The following SEC63 variants were observed in gnomAD, a reference collection of about 807,000 sequenced individuals.
The protein encoded by SEC63 is translocation protein SEC63 homolog.
SEC63 carries 56 observed loss-of-function variants against 116.2 expected under a neutral mutation model. That is an observed-to-expected ratio of 0.48 (90% confidence interval 0.39 to 0.60). The LOEUF (loss-of-function observed/expected upper bound fraction) is 0.60, where lower values mean the gene tolerates loss of function less well. Among genes scored for constraint, SEC63 ranks in the 20% least tolerant of loss-of-function variants. The probability of loss-of-function intolerance (pLI) is 0.00; values close to 1 mark genes in which losing one functional copy is unlikely to be tolerated. For missense variants in SEC63, 668 were observed against 900.0 expected (o/e 0.74, Z 3.30); for synonymous variants, 273 against 294.6 (o/e 0.93, Z 0.75).
chr6:107,879,470 C>G (rs193096358), intron 18 of SEC63, among the ~76,000 whole-genome samples: 1 of 152,184 alleles, frequency 6.6e-6, no homozygotes, highest in African/African-American at 2.4e-5. Flanking sequence ...GGATTACAGG[C>G]ATGTGACACC....
intron 1 of SEC63, among the ~76,000 whole-genome samples, chr6:107,945,400 G>A (rs1455998834): frequency 2.8e-4 from 42 of 150,238 alleles, no homozygotes; most frequent in African/African-American, 6.9e-4. Flanking sequence ...TCCACCTCCC[G>A]GGTTCAATCA....
At chr6:107,929,572 A>AC (rs1461601150) in intron 1 of SEC63, 58 bp from the exon 2 acceptor site, 1 of 985,096 alleles carries the variant, frequency 1.0e-6, no homozygotes, top group African/African-American at 1.6e-5. Flanking sequence ...TGAAGGTAAA[A>AC]CCAGCTAACT....
chr6:107,956,186 T>C lies in SEC63; in HGVS notation c.124+1700A>G, dbSNP rs1053529219. ...TGGCTAATTTCTGAAATCAGGGCAGTTTCTCAAAACACTTTTTTTTATACC... is the reference window on the plus strand; with the variant it reads ...TGGCTAATTTCTGAAATCAGGGCAGCTTCTCAAAACACTTTTTTTTATACC... On this transcript the variant is annotated intron_variant, in intron 1 of 20. Coordinates refer to ENST00000369002, the MANE Select transcript of SEC63 (RefSeq NM_007214.5). 7 of 187,672 alleles carry C rather than the reference T, an allele frequency of 3.7e-5. No individual in the cohort carries two copies. In the South Asian group the frequency reaches 4.0e-4, roughly 11 times the overall value. The allele number at this position is 187,672 out of a possible 1,614,324, so 11.6% of individuals were successfully genotyped here. A position where few individuals can be genotyped will look rare whatever the true frequency, so the allele number is the denominator to read the frequency against.
At chr6:107,917,158 C>T (rs1787424710) in intron 4 of SEC63, among the ~76,000 whole-genome samples, 1 of 152,230 alleles carries the variant, frequency 6.6e-6, no homozygotes, top group African/African-American at 2.4e-5. Flanking sequence ...ACCTTAAGGA[C>T]ATGCTCCTGC....
chr6:107,931,486 T>TAA (rs56166744), intron 1 of SEC63, among the ~76,000 whole-genome samples: 3 of 146,708 alleles, frequency 2.0e-5, no homozygotes, highest in African/African-American at 7.6e-5. Context: ...CTCCCAAGTT[T>TAA]AAAAAAAAAA....
At chr6:107,923,480 C>T (rs1027622032) in intron 3 of SEC63, among the ~76,000 whole-genome samples, 5 of 152,102 alleles carry the variant, frequency 3.3e-5, no homozygotes, top group Admixed American at 6.5e-5. Flanking sequence ...AAGGGGCACA[C>T]TCAAGGTTAA....
At chr6:107,928,488 C>CAAA (rs764402389) in intron 2 of SEC63, among the ~76,000 whole-genome samples, 3 of 84,822 alleles carry the variant, frequency 3.5e-5, no homozygotes, top group African/African-American at 1.3e-4. Context: ...GACTCTGTCT[C>CAAA]AAAAAAAAAA....
intron 4 of SEC63, among the ~76,000 whole-genome samples, chr6:107,914,029 T>C (rs1787344140): frequency 6.6e-6 from 1 of 152,134 alleles, no homozygotes; most frequent in Non-Finnish European, 1.5e-5. Flanking sequence ...CAGGAAAATT[T>C]CTCCTGAACA....
At chr6:107,910,035 G>GT (rs1356466623) in intron 7 of SEC63, among the ~76,000 whole-genome samples, 1 of 152,020 alleles carries the variant, frequency 6.6e-6, no homozygotes, top group Non-Finnish European at 1.5e-5. Context: ...CTCATTAAAG[G>GT]TTTTTTTTAA....
intron 3 of SEC63, among the ~76,000 whole-genome samples, chr6:107,924,482 C>T (rs1000994977): frequency 5.3e-5 from 8 of 151,786 alleles, no homozygotes; most frequent in African/African-American, 1.5e-4. Flanking sequence ...AGGAGAATGG[C>T]GTGAACCCAG....
intron 8 of SEC63, among the ~76,000 whole-genome samples, chr6:107,908,311 T>C (rs953830729): frequency 4.7e-5 from 7 of 149,618 alleles, no homozygotes; most frequent in African/African-American, 1.5e-4. Flanking sequence ...GTTTGCTTTA[T>C]ATAATCAAAG....
chr6:107,893,669 C>T lies in SEC63; in HGVS notation c.1501-14G>A. ...AGTTTCACCCTGCTGTGAATCATAACACGTCACACTCTTAAGTTATAGCAA... is the reference window on the plus strand; with the variant it reads ...AGTTTCACCCTGCTGTGAATCATAATACGTCACACTCTTAAGTTATAGCAA... On this transcript the variant is annotated splice_polypyrimidine_tract_variant and intron_variant, in intron 15 of 20. Coordinates refer to ENST00000369002, the MANE Select transcript of SEC63 (RefSeq NM_007214.5). 3 of 1,613,712 alleles carry T rather than the reference C, an allele frequency of 1.9e-6. No homozygotes were observed. Among genetic ancestry groups the T allele is most frequent in the Middle Eastern group, 1.6e-4 (1 of 6,062 alleles).
intron 7 of SEC63, chr6:107,911,097 A>G (rs1479052440): frequency 4.0e-6 from 2 of 498,796 alleles, no homozygotes; most frequent in Admixed American, 6.9e-5. Flanking sequence ...GTATAGTTAT[A>G]TAATTTTTTT....
At chr6:107,918,213 T>C (rs1171639845) in intron 4 of SEC63, among the ~76,000 whole-genome samples, 2 of 149,704 alleles carry the variant, frequency 1.3e-5, no homozygotes, top group South Asian at 2.1e-4. Flanking sequence ...CATGGATTAC[T>C]GAATATTTTA....
At chr6:107,920,527 T>A (rs1467870081) in intron 4 of SEC63, among the ~76,000 whole-genome samples, 2 of 151,754 alleles carry the variant, frequency 1.3e-5, no homozygotes, top group East Asian at 3.9e-4. Context: ...AACAAAAAAA[T>A]TTGTGACTCA....
intron 1 of SEC63, among the ~76,000 whole-genome samples, chr6:107,953,743 G>A (rs1356035026): frequency 2.0e-5 from 3 of 146,598 alleles, no homozygotes; most frequent in Non-Finnish European, 3.1e-5. Context: ...CGGGAGGGAG[G>A]TGGGGGGTTC....
rs570051656 is a variant in SEC63, at chr6:107,874,402, G to A, written c.2035-1490C>T. Among the ~76,000 whole-genome samples, 46 of 152,134 alleles carry A rather than the reference G, an allele frequency of 3.0e-4. No homozygotes were observed. The South Asian group carries it at 8.5e-3, about 28-fold the overall frequency. On this transcript the variant is annotated intron_variant, in intron 19 of 20. Coordinates refer to ENST00000369002, the MANE Select transcript of SEC63 (RefSeq NM_007214.5). ...AAGGTCAGGAGATTGAGACCATCAT[G>A]GCTAACACAGTGAAACCCCGTCTCT...
At chr6:107,933,556 A>C (rs1224278756) in intron 1 of SEC63, among the ~76,000 whole-genome samples, 2 of 152,176 alleles carry the variant, frequency 1.3e-5, no homozygotes, top group Non-Finnish European at 2.9e-5. Flanking sequence ...AACACTGTAC[A>C]ACCCAAATTC....
intron 1 of SEC63, chr6:107,932,155 ACATACT>A (rs1215491809): frequency 5.9e-6 from 1 of 168,514 alleles, no homozygotes; most frequent in Non-Finnish European, 1.2e-5. Flanking sequence ...GCCAAGGTAA[ACATACT>A]CATCAGGTCT....
Sources: gnomAD v4.1 joint callset for allele counts (sites outside exome capture counted in the v4.1 genomes callset) on GRCh38, gnomAD v4.1.1 for gene constraint, MANE v1.5 for transcripts, NCBI Gene and HGNC (gene_info 2026-07-23, HGNC 2026-07-21) for gene names.